Variants in ZNF440 observed in about 807,000 individuals in gnomAD.
The protein encoded by ZNF440 is zinc finger protein 440.
Under a neutral mutation model 49.7 loss-of-function variants are expected in ZNF440, and 47 were observed. That is an observed-to-expected ratio of 0.95 (90% CI 0.75 to 1.21). The LOEUF is 1.21. Ranked by LOEUF, ZNF440 falls within the 50% of genes most tolerant of loss-of-function variation. The pLI is 0.00. For missense variants in ZNF440, 703 were observed against 715.0 expected (o/e 0.98, Z 0.19); for synonymous variants, 255 against 237.7 (o/e 1.07, Z -0.67).
rs1353043100 is a variant in ZNF440 at position 11,834,871 on chromosome 19, T to C, written c.*1907T>C. 2.0e-5 allele frequency: 3 copies of C among 148,592 alleles called. No homozygotes were observed. In the East Asian group the frequency reaches 6.2e-4, roughly 30 times the overall value. The allele number at this position is 148,592 out of a possible 1,614,324, so 9.2% of individuals were successfully genotyped here. A position where few individuals can be genotyped will look rare whatever the true frequency, so the allele number is the denominator to read the frequency against. On this transcript the variant is annotated 3_prime_UTR_variant, in exon 4 of 4. Coordinates refer to ENST00000304060, the MANE Select transcript of ZNF440 (RefSeq NM_152357.3). Reference sequence around the variant, plus strand: ...GAGTTAGAGACCATTCTGACCAATATGATCAAACCCCGTCTCTACTAAAAA... The same window carrying C: ...GAGTTAGAGACCATTCTGACCAATACGATCAAACCCCGTCTCTACTAAAAA...
At chr19:11,825,632 T>A (rs1975853832) in intron 1 of ZNF440, among the ~76,000 whole-genome samples, 1 of 152,152 alleles carries the variant, frequency 6.6e-6, no homozygotes, top group Admixed American at 6.6e-5. Flanking sequence ...CTTTGTTGCT[T>A]GACAACTCAT....
At chr19:11,827,862 C>T (rs1371829214) in intron 1 of ZNF440, among the ~76,000 whole-genome samples, 3 of 151,990 alleles carry the variant, frequency 2.0e-5, no homozygotes, top group East Asian at 1.9e-4. Flanking sequence ...ATGATCTGTC[C>T]GCCTTGGCCT....
At chr19:11,815,565 T>G (rs1231650899) in intron 1 of ZNF440, among the ~76,000 whole-genome samples, 1 of 152,082 alleles carries the variant, frequency 6.6e-6, no homozygotes, top group African/African-American at 2.4e-5. Flanking sequence ...GGGTCCCCAG[T>G]GCCCACTTTT....
Position 11,833,796 on chromosome 19 carries a change from G to A in ZNF440, c.*832G>A, listed in dbSNP as rs1040577788. 18 of 824,122 alleles carry A rather than the reference G, an allele frequency of 2.2e-5. No individual in the cohort carries two copies. In the African/African-American group the frequency reaches 2.7e-4, roughly 12 times the overall value. 51.1% of individuals were successfully genotyped at this position (824,122 alleles called of 1,614,324 possible). On this transcript the variant is annotated 3_prime_UTR_variant, in exon 4 of 4. Transcript: ENST00000304060. ...ATCAGCCTCGCACCTTCAAATGCAT[G>A]GAAGGACTCACACTGGAGAAAAACC... is the stretch of plus-strand genomic sequence containing the variant.
At chr19:11,818,565 TATTA>T (rs1402951124) in intron 1 of ZNF440, among the ~76,000 whole-genome samples, 1 of 127,054 alleles carries the variant, frequency 7.9e-6, no homozygotes, top group Non-Finnish European at 1.7e-5. Context: ...TTATTATTAT[TATTA>T]TAGACAATAT....
At chr19:11,822,708 G>A (rs953317514) in intron 1 of ZNF440, among the ~76,000 whole-genome samples, 6 of 152,058 alleles carry the variant, frequency 3.9e-5, no homozygotes, top group South Asian at 2.1e-4. Context: ...TTAGCCAAGC[G>A]TGGTGGTACA....
chr19:11,829,699 G>A (rs1975909589), intron 1 of ZNF440, among the ~76,000 whole-genome samples: 1 of 152,112 alleles, frequency 6.6e-6, no homozygotes, highest in Non-Finnish European at 1.5e-5. Flanking sequence ...CAGGTGTGGT[G>A]GCACATGCCT....
At chr19:11,821,150 C>T (rs561894481) in intron 1 of ZNF440, among the ~76,000 whole-genome samples, 86 of 152,252 alleles carry the variant, frequency 5.6e-4, no homozygotes, top group African/African-American at 1.9e-3. Flanking sequence ...ATGTCTTCAG[C>T]GCACTCTCCT....
intron 1 of ZNF440, among the ~76,000 whole-genome samples, chr19:11,819,174 T>TA (rs968373028): frequency 1.3e-5 from 2 of 151,978 alleles, no homozygotes; most frequent in Admixed American, 6.6e-5. Flanking sequence ...TATTAAATTT[T>TA]AAAAAAATAG....
chr19:11,829,152 C>A (rs1975902867), intron 1 of ZNF440, among the ~76,000 whole-genome samples: 2 of 152,062 alleles, frequency 1.3e-5, no homozygotes, highest in South Asian at 2.1e-4. Context: ...ACCTGGGTAT[C>A]TCTTAGGAGT....
chr19:11,822,879 A>G (rs971766432), intron 1 of ZNF440, among the ~76,000 whole-genome samples: 1 of 145,630 alleles, frequency 6.9e-6, no homozygotes, highest in Admixed American at 6.9e-5. Context: ...TGGTTTCACA[A>G]TTTGCTTTTT....
In ZNF440 at chr19:11,825,636, A is replaced by G. The variant is rs185355222; in HGVS notation, c.4-4647A>G. Among the ~76,000 whole-genome samples the G allele has an allele frequency of 5.6e-3, 852 of 152,112 alleles. 8 individuals are homozygous for G. The highest frequency in any genetic ancestry group is 0.02 in the African/African-American group (815 of 41,480). On this transcript the variant is annotated intron_variant, in intron 1 of 3. Transcript: ENST00000304060. ...TCTCTAAATACCTTTGTTGCTTGAC[A>G]ACTCATTTATTTTTTATTTTTCTTT... is the stretch of plus-strand genomic sequence containing the variant.
At position 11,832,573 on chromosome 19, in the gene ZNF440, G is replaced by A. The variant is rs1301483434; in HGVS notation, c.1397G>A (p.Gly466Asp). 5.0e-6 allele frequency: 8 copies of A among 1,612,698 alleles called. No homozygotes were observed. In the Admixed American group the frequency reaches 1.3e-4, roughly 27 times the overall value. Residue 466 changes from glycine to aspartate, a missense_variant, in exon 4 of 4, where the codon GGC becomes GAC. By Grantham distance (94) the Gly-to-Asp change is moderately conservative. Coordinates refer to ENST00000304060, the MANE Select transcript of ZNF440 (RefSeq NM_152357.3). ...RRYKCKICGK[G>D]FYCPKSFQRH... ...TATAAATGTAAGATATGTGGGAAAG[G>A]CTTTTATTGTCCCAAATCATTTCAA...
At position 11,833,176 on chromosome 19, in the gene ZNF440, A is replaced by G. The variant is rs1412992455; in HGVS notation, c.*212A>G. 6.3e-6 allele frequency: 8 copies of G among 1,262,714 alleles called. No homozygotes were observed. The African/African-American group carries it at 9.0e-5, about 14-fold the overall frequency. The allele number at this position is 1,262,714 out of a possible 1,614,324, so 78.2% of individuals were successfully genotyped here. On this transcript the variant is annotated 3_prime_UTR_variant, in exon 4 of 4. Transcript: ENST00000304060. ...CCTATGAGTGTAAGCAATTTGGGAA[A>G]GCCTTCAGATCTGTCAAAAATCTTC...
chr19:11,817,258 G>A (rs1362593188), intron 1 of ZNF440: 1 of 152,160 alleles, frequency 6.6e-6, no homozygotes, highest in African/African-American at 2.4e-5. Context: ...ATACAGGAAG[G>A]AATTCAAGAC....
In ZNF440 at chr19:11,831,938, G is replaced by T. The variant is rs750651100; in HGVS notation, c.762G>T (p.Lys254Asn). The T allele has an allele frequency of 1.2e-6, 2 of 1,613,674 alleles. No homozygotes were observed. Among genetic ancestry groups the T allele is most frequent in the South Asian group, 2.2e-5 (2 of 91,040 alleles). Residue 254 changes from lysine to asparagine, a missense_variant, in exon 4 of 4, where the codon AAG becomes AAT. Lys to Asn is a moderately conservative substitution (Grantham distance 94). Coordinates refer to ENST00000304060, the MANE Select transcript of ZNF440 (RefSeq NM_152357.3). Reference sequence around the variant, plus strand: ...ATAAAAGAACTCACACTGGAGAAAAGCCTTATGAATATCAGGAGTGTGGGA... The same window carrying T: ...ATAAAAGAACTCACACTGGAGAAAATCCTTATGAATATCAGGAGTGTGGGA... Reference protein sequence around the residue: ...RIHKRTHTGEKPYEYQECGKA... With the variant: ...RIHKRTHTGENPYEYQECGKA...
rs117680269 is a variant in ZNF440, at chr19:11,822,111, C to T, written c.3+7661C>T. Among the ~76,000 whole-genome samples, 82 of 152,250 alleles carry T rather than the reference C, an allele frequency of 5.4e-4. 2 individuals carry two copies. The East Asian group carries it at 0.013, about 25-fold the overall frequency. On this transcript the variant is annotated intron_variant, in intron 1 of 3. Transcript: ENST00000304060. ...CAAGCAGGCACTAGTTCTGTGAAGT[C>T]GCACTGTGATTAAGAGGTGGTCTGT...
In ZNF440 at chr19:11,832,859, G is replaced by A. The variant is rs566642234; in HGVS notation, c.1683G>A (p.Val561=). 3.7e-6 allele frequency: 6 copies of A among 1,612,698 alleles called. No individual in the cohort carries two copies. In the African/African-American group the frequency reaches 6.7e-5, roughly 18 times the overall value. Reference sequence around the variant, plus strand: ...ATCTGCCCCACACCTTTGAATACGTGGTAGGACACACAATGGAGAGAAGCC... The same window carrying A: ...ATCTGCCCCACACCTTTGAATACGTAGTAGGACACACAATGGAGAGAAGCC... ...PSDLPHTFEY[V]VGHTMERSPM... The change falls in exon 4 of 4, where the codon GTG becomes GTA. Residue 561 remains valine, a synonymous_variant. Transcript: ENST00000304060.
intron 1 of ZNF440, among the ~76,000 whole-genome samples, chr19:11,828,689 T>C (rs1029761654): frequency 5.1e-5 from 7 of 136,688 alleles, no homozygotes; most frequent in Non-Finnish European, 7.8e-5. Context: ...TTCTTTTTCT[T>C]TTTTTTTTTT....
Sources: allele counts gnomAD v4.1 joint callset (sites outside exome capture counted in the v4.1 genomes callset), GRCh38; gene constraint gnomAD v4.1.1; transcripts MANE v1.5; gene names NCBI Gene and HGNC (gene_info 2026-07-23, HGNC 2026-07-21).